Variants in PCDHGA11 observed in about 807,000 individuals in gnomAD.
PCDHGA11 encodes protocadherin gamma-A11.
Under a neutral mutation model 60.4 loss-of-function variants are expected in PCDHGA11, and 39 were observed. The observed-to-expected ratio is 0.65, with a 90% CI of 0.50 to 0.84. The LOEUF is 0.84. Ranked by LOEUF, PCDHGA11 falls within the 40% of genes least tolerant of loss-of-function variation. PCDHGA11 has a pLI of 0.00. For missense variants in PCDHGA11, 1,165 were observed against 1,197.7 expected (o/e 0.97, Z 0.40); for synonymous variants, 533 against 510.3 (o/e 1.04, Z -0.60).
intron 2 of PCDHGA11, among the ~76,000 whole-genome samples, chr5:141,502,517 G>A (rs1333510345): frequency 1.3e-5 from 2 of 152,128 alleles, no homozygotes; most frequent in Admixed American, 6.6e-5. Flanking sequence ...CCCACTATCA[G>A]TGATGCCGAG....
intron 2 of PCDHGA11, among the ~76,000 whole-genome samples, chr5:141,501,890 A>G (rs1046816316): frequency 6.6e-6 from 1 of 151,980 alleles, no homozygotes; most frequent in Non-Finnish European, 1.5e-5. Flanking sequence ...CCTGATCATC[A>G]TGGTTCCAAC....
At chr5:141,468,783 G>A (rs908838744) in intron 1 of PCDHGA11, among the ~76,000 whole-genome samples, 7 of 151,460 alleles carry the variant, frequency 4.6e-5, no homozygotes, top group South Asian at 2.1e-4. Context: ...GGAGAATGGC[G>A]TGAACCCGGG....
rs1423149 is a variant in PCDHGA11, at chr5:141,487,780, C to G, written c.2434-7027C>G. ...TAGACGCTGTGCTTTGTAACTGTTTCGTGAATTAACCAGAGTTGTCACAGT... is the reference window on the plus strand; with the variant it reads ...TAGACGCTGTGCTTTGTAACTGTTTGGTGAATTAACCAGAGTTGTCACAGT... On this transcript the variant is annotated intron_variant, in intron 1 of 3. Transcript: ENST00000398587. This position sits in a 1 kb window ranked among gnomAD's most constrained non-coding sequence, Gnocchi z 5.0. 6.6e-7 allele frequency: 1 copy of G among 1,526,704 alleles called. No individual in the cohort carries two copies. The allele number at this position is 1,526,704 out of a possible 1,614,324, so 94.6% of individuals were successfully genotyped here. A position where few individuals can be genotyped will look rare whatever the true frequency, so the allele number is the denominator to read the frequency against.
intron 1 of PCDHGA11, chr5:141,478,917 T>A: frequency 1.3e-6 from 1 of 772,666 alleles, no homozygotes; most frequent in Middle Eastern, 3.9e-4. Flanking sequence ...TGGATACCTC[T>A]AACCAGTGGC....
At chr5:141,479,328 G>C (rs568506786) in intron 1 of PCDHGA11, 3 of 152,536 alleles carry the variant, frequency 2.0e-5, no homozygotes, top group African/African-American at 7.2e-5. Context: ...CAGACTCAGT[G>C]GTGTGCACCT....
chr5:141,494,762 A>G (rs770570158), intron 1 of PCDHGA11, 45 bp from the exon 2 acceptor site: 1 of 1,613,200 alleles, frequency 6.2e-7, no homozygotes, highest in South Asian at 1.1e-5. Flanking sequence ...TGACATTCTA[A>G]CTTCTCACGG....
intron 1 of PCDHGA11, among the ~76,000 whole-genome samples, chr5:141,472,267 C>T (rs547832378): frequency 6.6e-5 from 10 of 152,216 alleles, no homozygotes; most frequent in African/African-American, 2.4e-4. Context: ...TATAGCCGGG[C>T]ACAGTGGCTC....
rs770619389 is a variant in PCDHGA11 at position 141,490,764 on chromosome 5, T to C, written c.2434-4043T>C. On this transcript the variant is annotated intron_variant, in intron 1 of 3. Coordinates refer to ENST00000398587, the MANE Select transcript of PCDHGA11 (RefSeq NM_018914.3). The surrounding 1 kb of genome is among the most constrained non-coding windows in gnomAD (Gnocchi z 5.4). ...GAGCCCCAGCCTCCTCCTTTGTGTA[T>C]GTCAACCCAGAGGATGGACGGATCT... is the stretch of plus-strand genomic sequence containing the variant. 22 of 1,613,970 alleles carry C rather than the reference T, an allele frequency of 1.4e-5. No individual in the cohort carries two copies. Among genetic ancestry groups the C allele is most frequent in the Non-Finnish European group, 1.6e-5 (19 of 1,179,928 alleles).
At position 141,487,493 on chromosome 5, in the gene PCDHGA11, C is replaced by A. The variant is rs1372433097; in HGVS notation, c.2434-7314C>A. 5.6e-6 allele frequency: 9 copies of A among 1,614,050 alleles called. No individual in the cohort carries two copies. The highest frequency in any genetic ancestry group is 6.8e-6 in the Non-Finnish European group (8 of 1,180,034). On this transcript the variant is annotated intron_variant, in intron 1 of 3. Coordinates refer to ENST00000398587, the MANE Select transcript of PCDHGA11 (RefSeq NM_018914.3). This position sits in a 1 kb window ranked among gnomAD's most constrained non-coding sequence, Gnocchi z 5.0. ...GGGAGGCCACTCTCATGGCTGTACACCCTTGGCTTCTGCACCCACTCGGAG... is the reference window on the plus strand; with the variant it reads ...GGGAGGCCACTCTCATGGCTGTACAACCTTGGCTTCTGCACCCACTCGGAG...
intron 1 of PCDHGA11, 95 bp downstream of exon 1, chr5:141,423,755 G>T (rs1236551808): frequency 9.8e-6 from 5 of 512,508 alleles, no homozygotes; most frequent in Non-Finnish European, 1.3e-5. Flanking sequence ...CTGTTTGGGG[G>T]GGGGGTGGGG....
chr5:141,464,144 A>G (rs1305530394), intron 1 of PCDHGA11, among the ~76,000 whole-genome samples: 1 of 152,030 alleles, frequency 6.6e-6, no homozygotes, highest in South Asian at 2.1e-4. Context: ...GGGCGCCTGT[A>G]GTCCCAGCTA....
intron 1 of PCDHGA11, among the ~76,000 whole-genome samples, chr5:141,472,113 A>G (rs1296591849): frequency 1.3e-5 from 2 of 152,260 alleles, no homozygotes; most frequent in East Asian, 3.8e-4. Flanking sequence ...ATACATAAAG[A>G]AAATAAAAGA....
At chr5:141,474,212 C>T (rs892802269) in intron 1 of PCDHGA11, among the ~76,000 whole-genome samples, 5 of 152,078 alleles carry the variant, frequency 3.3e-5, no homozygotes, top group African/African-American at 1.2e-4. Flanking sequence ...TTTCAAAAAC[C>T]AGATTGTGAA....
intron 1 of PCDHGA11, among the ~76,000 whole-genome samples, chr5:141,474,379 T>A (rs1451968368): frequency 6.6e-6 from 1 of 152,208 alleles, no homozygotes; most frequent in Non-Finnish European, 1.5e-5. Flanking sequence ...GAGGAGGGCA[T>A]TTCTGCATTT....
At position 141,421,396 on chromosome 5, in the gene PCDHGA11, C is replaced by T; in HGVS notation, c.169C>T (p.Pro57Ser). The change falls in exon 1 of 4, where the codon CCC (proline) becomes TCC (serine). Residue 57 changes from proline to serine, a missense_variant. Pro to Ser is a moderately conservative substitution (Grantham distance 74, BLOSUM62 -1). Coordinates refer to ENST00000398587, the MANE Select transcript of PCDHGA11 (RefSeq NM_018914.3). Reference sequence around the variant, plus strand: ...TATCTCCAAGGACCTGGGGCTGGAGCCCCGGGAGCTGGCGAAGCGCGGAGT... The same window carrying T: ...TATCTCCAAGGACCTGGGGCTGGAGTCCCGGGAGCTGGCGAAGCGCGGAGT... The part of the protein sequence containing the change: ...GNISKDLGLE[P>S]RELAKRGVRI... 2.5e-6 allele frequency: 4 copies of T among 1,614,036 alleles called. No homozygotes were observed. Among genetic ancestry groups the T allele is most frequent in the South Asian group, 1.1e-5 (1 of 91,086 alleles).
At chr5:141,445,134 A>T (rs900226020) in intron 1 of PCDHGA11, among the ~76,000 whole-genome samples, 1 of 152,198 alleles carries the variant, frequency 6.6e-6, no homozygotes, top group East Asian at 1.9e-4. Context: ...TTAAAATTGT[A>T]TCTTCTAATT....
chr5:141,503,598 CAAAAAAAAAA>C (rs765754054), intron 2 of PCDHGA11, among the ~76,000 whole-genome samples: 1 of 65,762 alleles, frequency 1.5e-5, no homozygotes. Context: ...GACTCCAGCT[CAAAAAAAAAA>C]AAAAAAGAAA....
chr5:141,510,426 T>C (rs983368750), intron 3 of PCDHGA11, among the ~76,000 whole-genome samples: 1 of 152,084 alleles, frequency 6.6e-6, no homozygotes, highest in African/African-American at 2.4e-5. Flanking sequence ...CATGGTTTCA[T>C]GGCTGCTGCC....
chr5:141,468,749 C>G (rs1237051053), intron 1 of PCDHGA11, among the ~76,000 whole-genome samples: 1 of 151,962 alleles, frequency 6.6e-6, no homozygotes, highest in Non-Finnish European at 1.5e-5. Context: ...GCCTGTAGTC[C>G]CAGCTACTCG....
Sources: allele counts gnomAD v4.1 joint callset (sites outside exome capture counted in the v4.1 genomes callset), GRCh38; gene constraint gnomAD v4.1.1; non-coding constraint Gnocchi (gnomAD v3.1); transcripts MANE v1.5; gene names NCBI Gene and HGNC (gene_info 2026-07-23, HGNC 2026-07-21).